Variants in GPC6 observed in about 807,000 individuals in gnomAD.
The protein encoded by GPC6 is glypican-6.
In GPC6, 14 loss-of-function variants were observed where a neutral mutation model predicts 55.2. That is an observed-to-expected ratio of 0.25 (90% CI 0.17 to 0.40). GPC6 has a LOEUF of 0.40. Among genes scored for constraint, GPC6 ranks in the 10% least tolerant of loss-of-function variants. GPC6 has a pLI of 1.00. For synonymous variants in GPC6, 278 were observed against 259.6 expected (o/e 1.07, Z -0.68); for missense variants, 641 against 708.5 (o/e 0.90, Z 1.08).
chr13:93,602,533 T>C (rs1401294388), intron 2 of GPC6, among the ~76,000 whole-genome samples: 1 of 152,134 alleles, frequency 6.6e-6, no homozygotes, highest in Non-Finnish European at 1.5e-5. Flanking sequence ...TTCTGACATC[T>C]TATGTAAGGG....
intron 2 of GPC6, among the ~76,000 whole-genome samples, chr13:93,795,761 C>T (rs1210911545): frequency 1.3e-5 from 2 of 152,122 alleles, no homozygotes; most frequent in Non-Finnish European, 2.9e-5. Flanking sequence ...CAAGAAGGCT[C>T]TTCACTGCTA....
At chr13:93,220,766 A>C in the GPC6 span, among the ~76,000 whole-genome samples, 1 of 152,210 alleles carries the variant, frequency 6.6e-6, no homozygotes, top group Non-Finnish European at 1.5e-5. Context: ...ATATTTGGTT[A>C]CTCAATATTT....
chr13:94,302,384 C>T (rs1435514406), intron 5 of GPC6, among the ~76,000 whole-genome samples: 3 of 152,058 alleles, frequency 2.0e-5, no homozygotes, highest in Non-Finnish European at 4.4e-5. Context: ...GGGCACTAAT[C>T]CTATTCTTGA....
At chr13:93,958,045 A>G (rs1371544416) in intron 3 of GPC6, among the ~76,000 whole-genome samples, 1 of 152,110 alleles carries the variant, frequency 6.6e-6, no homozygotes, top group Admixed American at 6.5e-5. Flanking sequence ...TCCTTTGCCT[A>G]ATTTTTAATA....
chr13:93,571,462 T>G (rs1215723387), intron 2 of GPC6, among the ~76,000 whole-genome samples: 1 of 152,154 alleles, frequency 6.6e-6, no homozygotes, highest in African/African-American at 2.4e-5. Context: ...ATCAGGAATT[T>G]GTTTTATATA....
At chr13:94,236,888 T>TC (rs532153855) in intron 4 of GPC6, among the ~76,000 whole-genome samples, 2 of 140,706 alleles carry the variant, frequency 1.4e-5, no homozygotes, top group Admixed American at 1.4e-4. Flanking sequence ...GCAGAAAGCT[T>TC]TTTTTTTTTT....
chr13:94,114,796 G>C (rs777110556), intron 4 of GPC6, among the ~76,000 whole-genome samples: 3 of 152,118 alleles, frequency 2.0e-5, no homozygotes, highest in Non-Finnish European at 4.4e-5. Context: ...CTGAGGTCTT[G>C]TTAGAAGCCA....
rs368020055 is a variant in GPC6, at chr13:93,461,116, T to C, written c.161-84147T>C. Among the ~76,000 whole-genome samples, 25 of 152,274 alleles carry C rather than the reference T, an allele frequency of 1.6e-4. No homozygotes were observed. In the East Asian group the frequency reaches 2.3e-3, roughly 14 times the overall value. ...TTTTTGTTTGATGGGTTTTTTGTTG[T>C]TGTTCTCCAATTTTTTTATCGTAAA... On this transcript the variant is annotated intron_variant, in intron 1 of 8. Transcript: ENST00000377047.
At chr13:94,222,998 G>T (rs2139003401) in intron 4 of GPC6, among the ~76,000 whole-genome samples, 1 of 152,098 alleles carries the variant, frequency 6.6e-6, no homozygotes, top group African/African-American at 2.4e-5. Context: ...GAATATGCTA[G>T]GAAACCCTTA....
chr13:93,758,139 A>G (rs916934552), intron 2 of GPC6, among the ~76,000 whole-genome samples: 2 of 152,226 alleles, frequency 1.3e-5, no homozygotes, highest in Non-Finnish European at 2.9e-5. Context: ...GGAATTGCCA[A>G]TCTGCTCACA....
intron 1 of GPC6, among the ~76,000 whole-genome samples, chr13:93,498,888 T>A (rs1449324588): frequency 6.6e-6 from 1 of 152,174 alleles, no homozygotes; most frequent in East Asian, 1.9e-4. Flanking sequence ...AATCTTCTCA[T>A]AGTTCTCCCA....
At chr13:93,427,230 C>T (rs1256089731) in intron 1 of GPC6, among the ~76,000 whole-genome samples, 2 of 152,030 alleles carry the variant, frequency 1.3e-5, no homozygotes, top group African/African-American at 4.8e-5. Context: ...TGACTTTCTT[C>T]ACAGAATTGG....
chr13:93,807,462 T>C (rs1457665902), intron 2 of GPC6, among the ~76,000 whole-genome samples: 1 of 152,234 alleles, frequency 6.6e-6, no homozygotes, highest in Non-Finnish European at 1.5e-5. Context: ...ATACAGAGGC[T>C]GGCCAAATGA....
intron 3 of GPC6, among the ~76,000 whole-genome samples, chr13:93,887,673 G>A (rs1875426291): frequency 1.3e-5 from 2 of 152,034 alleles, no homozygotes; most frequent in South Asian, 2.1e-4. Context: ...CCTCTGTGGG[G>A]AATTAGTGAC....
chr13:93,633,380 T>C (rs1001121160), intron 2 of GPC6, among the ~76,000 whole-genome samples: 1 of 152,132 alleles, frequency 6.6e-6, no homozygotes, highest in Non-Finnish European at 1.5e-5. Flanking sequence ...GCGCAGTGGC[T>C]CACGCTTGTA....
chr13:93,740,101 A>G (rs1884150827), intron 2 of GPC6, among the ~76,000 whole-genome samples: 1 of 152,322 alleles, frequency 6.6e-6, no homozygotes, highest in Admixed American at 6.5e-5. Context: ...TAAGTCATTG[A>G]AGAATTGTTT....
rs9561339 is a variant in GPC6 at position 93,401,712 on chromosome 13, T to A, written c.161-143551T>A. Among the ~76,000 whole-genome samples the A allele has an allele frequency of 0.015, 1,654 of 109,542 alleles. 216 individuals are homozygous for A. In the East Asian group the frequency reaches 0.36, roughly 24 times the overall value. The allele number at this position is 109,542 out of a possible 152,430, so 71.9% of individuals were successfully genotyped here. A position where few individuals can be genotyped will look rare whatever the true frequency, so the allele number is the denominator to read the frequency against. The stretch of plus-strand genomic sequence containing the variant: ...GACTTTTTTTTTTTTTTTTTTTTTT[T>A]AATGAGAGGCATCCAATTTCAAGCT... On this transcript the variant is annotated intron_variant, in intron 1 of 8. Coordinates refer to ENST00000377047, the MANE Select transcript of GPC6 (RefSeq NM_005708.5).
At chr13:93,316,897 A>T (rs550189965) in intron 1 of GPC6, among the ~76,000 whole-genome samples, 1 of 152,054 alleles carries the variant, frequency 6.6e-6, no homozygotes, top group Non-Finnish European at 1.5e-5. Context: ...CCTTGTTTTC[A>T]TTTAATTTCT....
intron 3 of GPC6, among the ~76,000 whole-genome samples, chr13:93,945,220 G>C (rs1013263631): frequency 3.3e-5 from 5 of 152,180 alleles, no homozygotes; most frequent in Non-Finnish European, 7.3e-5. Context: ...GTACACCTAT[G>C]ACTACTAATA....
Sources: allele counts gnomAD v4.1 joint callset (sites outside exome capture counted in the v4.1 genomes callset), GRCh38; gene constraint gnomAD v4.1.1; transcripts MANE v1.5; gene names NCBI Gene and HGNC (gene_info 2026-07-23, HGNC 2026-07-21).